The following MDGA2 variants were observed in gnomAD, a reference collection of about 807,000 sequenced individuals.
The protein encoded by MDGA2 is MAM domain containing glycosylphosphatidylinositol anchor 2, also known as MAM domain-containing glycosylphosphatidylinositol anchor protein 2.
Under a neutral mutation model 117.8 loss-of-function variants are expected in MDGA2, and 40 were observed. That is an observed-to-expected ratio of 0.34 (90% confidence interval 0.26 to 0.44). The LOEUF (loss-of-function observed/expected upper bound fraction) is 0.44, where lower values mean the gene tolerates loss of function less well. Among genes scored for constraint, MDGA2 ranks in the 20% least tolerant of loss-of-function variants. The pLI is 1.00. For synonymous variants in MDGA2, 452 were observed against 439.0 expected (o/e 1.03, Z -0.37); for missense variants, 1,123 against 1,250.6 (o/e 0.90, Z 1.54).
In MDGA2 at chr14:46,874,137, T is replaced by G. The variant is rs1882129304; in HGVS notation, c.2501A>C (p.Asn834Thr). The G allele has an allele frequency of 6.5e-7, 1 of 1,545,660 alleles. No individual in the cohort carries two copies. The highest frequency in any genetic ancestry group is 8.7e-7 in the Non-Finnish European group (1 of 1,146,610). ...TGTACTTTGCTTTGTCCAGTCAAAA[T>G]TATCTGTATCATCTTGAGTGAACAA... ...ICLFTQDDTD[N>T]FDWTKQSTAT... The change falls in exon 13 of 17, where the codon AAT (asparagine) becomes ACT (threonine). Residue 834 changes from asparagine to threonine, a missense_variant. Coordinates refer to ENST00000399232, the MANE Select transcript of MDGA2 (RefSeq NM_001113498.3).
chr14:47,220,152 A>C (rs1214255509), intron 2 of MDGA2, among the ~76,000 whole-genome samples: 2 of 152,184 alleles, frequency 1.3e-5, no homozygotes. Flanking sequence ...AAATACTGAA[A>C]TAAAATATTT....
chr14:47,398,331 T>C (rs1892060045), intron 1 of MDGA2, among the ~76,000 whole-genome samples: 1 of 152,178 alleles, frequency 6.6e-6, no homozygotes, highest in East Asian at 1.9e-4. Flanking sequence ...AAGAGTCTTG[T>C]AGGAAGCAGT....
At chr14:47,422,834 T>C (rs934394593) in intron 1 of MDGA2, among the ~76,000 whole-genome samples, 7 of 152,188 alleles carry the variant, frequency 4.6e-5, no homozygotes, top group Non-Finnish European at 1.0e-4. Flanking sequence ...GGACTAAGTA[T>C]AGAGTTAACA....
chr14:46,911,251 A>G (rs1883689587), intron 10 of MDGA2, among the ~76,000 whole-genome samples: 1 of 152,190 alleles, frequency 6.6e-6, no homozygotes, highest in Non-Finnish European at 1.5e-5. Flanking sequence ...TGGTTTCCAA[A>G]ACTTGAAGTC....
intron 1 of MDGA2, among the ~76,000 whole-genome samples, chr14:47,667,005 G>A (rs1364873299): frequency 2.0e-5 from 3 of 152,118 alleles, no homozygotes; most frequent in Non-Finnish European, 4.4e-5. Context: ...CCAAACATCA[G>A]AAGGAACAAA....
At chr14:47,140,878 G>A (rs1221704156) in intron 4 of MDGA2, among the ~76,000 whole-genome samples, 3 of 152,006 alleles carry the variant, frequency 2.0e-5, no homozygotes, top group African/African-American at 4.8e-5. Flanking sequence ...CTTACAGAAT[G>A]GGAGAAAATA....
chr14:47,095,553 C>A (rs1302488378), intron 6 of MDGA2, among the ~76,000 whole-genome samples: 2 of 151,778 alleles, frequency 1.3e-5, no homozygotes, highest in Non-Finnish European at 2.9e-5. Context: ...AATCTTCTAT[C>A]TCATAAGACA....
intron 14 of MDGA2, among the ~76,000 whole-genome samples, chr14:46,865,470 A>C (rs1881714499): frequency 6.6e-6 from 1 of 152,174 alleles, no homozygotes; most frequent in Admixed American, 6.5e-5. Context: ...ATTCCCTTTG[A>C]AAACTGGCAC....
chr14:47,242,861 C>CT (rs1887102963), intron 2 of MDGA2, among the ~76,000 whole-genome samples: 1 of 151,834 alleles, frequency 6.6e-6, no homozygotes, highest in African/African-American at 2.4e-5. Flanking sequence ...GCAGTTCCAC[C>CT]TGCAGCCCCG....
chr14:46,877,410 C>T, intron 12 of MDGA2, 79 bp downstream of exon 12: 2 of 806,370 alleles, frequency 2.5e-6, no homozygotes, highest in Non-Finnish European at 3.8e-6. Context: ...AGTTACTAAA[C>T]AATTTTTGTA....
chr14:47,354,694 T>G (rs1011101558), intron 1 of MDGA2, among the ~76,000 whole-genome samples: 3 of 152,194 alleles, frequency 2.0e-5, no homozygotes, highest in African/African-American at 7.2e-5. Flanking sequence ...AACCCCTTGT[T>G]AAATCCACCT....
At chr14:47,200,723 G>T in intron 3 of MDGA2, 1 of 914,176 alleles carries the variant, frequency 1.1e-6, no homozygotes, top group Non-Finnish European at 1.7e-6. Flanking sequence ...CTCCTGCAGG[G>T]TGGCTGTCAC....
At chr14:47,617,839 G>A (rs1231255180) in intron 1 of MDGA2, among the ~76,000 whole-genome samples, 1 of 152,128 alleles carries the variant, frequency 6.6e-6, no homozygotes, top group Admixed American at 6.5e-5. Context: ...ATGTAATTGG[G>A]GAATGGTGGG....
Position 47,561,153 on chromosome 14 carries a change from G to GGTTTTTTTTTTTTTTTTTTTT in MDGA2, c.280+113363_280+113364insAAAAAAAAAAAAAAAAAAAAC, listed in dbSNP as rs1895797132. ...TACCTCTATCTTTGTTTTTTTTTTT[G>GGTTTTTTTTTTTTTTTTTTTT]TTTTGTTTTGTTTTTTTGTTTGTTT... On this transcript the variant is annotated intron_variant, in intron 1 of 16. Coordinates refer to ENST00000399232, the MANE Select transcript of MDGA2 (RefSeq NM_001113498.3). 3.0e-4 allele frequency among the ~76,000 whole-genome samples: 19 copies of GGTTTTTTTTTTTTTTTTTTTT among 63,898 alleles called. 1 individual carries two copies. The highest frequency in any genetic ancestry group is 1.4e-3 in the East Asian group (1 of 690). The allele number at this position is 63,898 out of a possible 152,430, so 41.9% of individuals were successfully genotyped here.
intron 3 of MDGA2, among the ~76,000 whole-genome samples, chr14:47,176,521 G>C (rs1350318342): frequency 6.6e-6 from 1 of 152,096 alleles, no homozygotes; most frequent in Non-Finnish European, 1.5e-5. Flanking sequence ...TCTGATCTTT[G>C]ACAAACCTGA....
chr14:47,094,602 A>C (rs1481665449), intron 6 of MDGA2, among the ~76,000 whole-genome samples: 1 of 152,030 alleles, frequency 6.6e-6, no homozygotes, highest in East Asian at 1.9e-4. Flanking sequence ...TTCTTGATAA[A>C]CTAATGGAAT....
chr14:47,639,444 A>C (rs1897382796), intron 1 of MDGA2, among the ~76,000 whole-genome samples: 1 of 152,074 alleles, frequency 6.6e-6, no homozygotes, highest in Non-Finnish European at 1.5e-5. Context: ...GTAATTTTGT[A>C]AAAAATTATT....
intron 1 of MDGA2, among the ~76,000 whole-genome samples, chr14:47,529,635 G>T (rs1895051840): frequency 6.6e-6 from 1 of 151,954 alleles, no homozygotes. Flanking sequence ...CATTAACAAA[G>T]AACTCTACTC....
chr14:47,267,559 A>G (rs1474706139), intron 2 of MDGA2, among the ~76,000 whole-genome samples: 1 of 152,096 alleles, frequency 6.6e-6, no homozygotes, highest in Admixed American at 6.6e-5. Flanking sequence ...ACTTTGTCAC[A>G]ATAATTTAAT....
Sources: gnomAD v4.1 joint callset for allele counts (sites outside exome capture counted in the v4.1 genomes callset) on GRCh38, gnomAD v4.1.1 for gene constraint, MANE v1.5 for transcripts, NCBI Gene and HGNC (gene_info 2026-07-23, HGNC 2026-07-21) for gene names.